Variants in NKAIN2 observed in about 807,000 individuals in gnomAD.
NKAIN2 encodes sodium/potassium-transporting ATPase subunit beta-1-interacting protein 2.
Under a neutral mutation model 32.6 loss-of-function variants are expected in NKAIN2, and 14 were observed. The observed-to-expected ratio is 0.43, with a 90% CI of 0.28 to 0.67. NKAIN2 has a LOEUF of 0.67. Ranked by LOEUF, NKAIN2 falls within the 30% of genes least tolerant of loss-of-function variation. The pLI is 0.17. For missense variants in NKAIN2, 198 were observed against 258.3 expected, an observed-to-expected ratio of 0.77 and a Z score of 1.60; for synonymous variants, 80 against 87.2, an observed-to-expected ratio of 0.92 and a Z score of 0.46.
At position 123,869,680 on chromosome 6, in the gene NKAIN2, A is replaced by G. The variant is rs145871065; in HGVS notation, c.54+65426A>G. Among the ~76,000 whole-genome samples, 254 of 152,316 alleles carry G rather than the reference A, an allele frequency of 1.7e-3. 2 individuals are homozygous for G. Among genetic ancestry groups the G allele is most frequent in the Non-Finnish European group, 1.7e-3 (118 of 68,026 alleles). ...TCTGCTGGTAGGGCTTTGGGAGAAC[A>G]TATGTGTTTCTATTTAGTTTACTTA... On this transcript the variant is annotated intron_variant, in intron 1 of 6. Transcript: ENST00000368417.
intron 4 of NKAIN2, among the ~76,000 whole-genome samples, chr6:124,683,999 C>T (rs1773746044): frequency 6.6e-6 from 1 of 152,158 alleles, no homozygotes; most frequent in African/African-American, 2.4e-5. Context: ...AATAACAACA[C>T]ATAAACCAGT....
chr6:123,969,583 G>T (rs1202070612), intron 1 of NKAIN2, among the ~76,000 whole-genome samples: 2 of 152,158 alleles, frequency 1.3e-5, no homozygotes, highest in Non-Finnish European at 2.9e-5. Flanking sequence ...CAAGATGCCT[G>T]CCAGAGCTTC....
At chr6:124,247,968 T>C (rs1793499063) in intron 1 of NKAIN2, among the ~76,000 whole-genome samples, 1 of 152,076 alleles carries the variant, frequency 6.6e-6, no homozygotes, top group Non-Finnish European at 1.5e-5. Flanking sequence ...AAATAATCAA[T>C]GCATAGAACA....
At chr6:124,428,441 G>T (rs985465955) in intron 3 of NKAIN2, among the ~76,000 whole-genome samples, 1 of 152,112 alleles carries the variant, frequency 6.6e-6, no homozygotes, top group South Asian at 2.1e-4. Flanking sequence ...TTATTTAGTG[G>T]AACTGAAAGC....
intron 3 of NKAIN2, chr6:124,390,898 G>A (rs543856314): frequency 6.6e-6 from 1 of 151,876 alleles, no homozygotes; most frequent in African/African-American, 2.4e-5. Context: ...ATAGCACAAG[G>A]CCATTGTAAG....
intron 2 of NKAIN2, among the ~76,000 whole-genome samples, chr6:124,320,214 A>G (rs570180746): frequency 9.2e-5 from 14 of 152,118 alleles, no homozygotes; most frequent in South Asian, 2.1e-4. Flanking sequence ...TTGCTCTCAT[A>G]TTTAGTTGTC....
intron 5 of NKAIN2, among the ~76,000 whole-genome samples, chr6:124,800,508 T>G (rs1047934355): frequency 2.0e-5 from 3 of 152,180 alleles, no homozygotes; most frequent in African/African-American, 7.2e-5. Flanking sequence ...GAAACAAACT[T>G]AAAGCTCACA....
rs141752197 is a variant in NKAIN2 at position 124,342,486 on chromosome 6, C to T, written c.193-12781C>T. 5.5e-4 allele frequency among the ~76,000 whole-genome samples: 83 copies of T among 150,150 alleles called. No homozygotes were observed. In the East Asian group the frequency reaches 0.016, roughly 29 times the overall value. ...TTAAAAATTCTAAACCTTTTTCTTG[C>T]TTAAACAAGTCTTTTTTTGTTGTTT... On this transcript the variant is annotated intron_variant, in intron 2 of 6. Transcript: ENST00000368417.
At chr6:124,488,543 T>C (rs1777741639) in intron 3 of NKAIN2, among the ~76,000 whole-genome samples, 1 of 152,062 alleles carries the variant, frequency 6.6e-6, no homozygotes, top group Non-Finnish European at 1.5e-5. Flanking sequence ...CCTTATCATT[T>C]AACTTATCAT....
At chr6:124,184,979 A>G (rs973655324) in intron 1 of NKAIN2, among the ~76,000 whole-genome samples, 3 of 152,204 alleles carry the variant, frequency 2.0e-5, no homozygotes, top group African/African-American at 7.2e-5. Context: ...ACAAATGGAA[A>G]CATTTTCTTC....
chr6:124,707,084 T>C (rs1407449461), intron 4 of NKAIN2, among the ~76,000 whole-genome samples: 7 of 148,604 alleles, frequency 4.7e-5, no homozygotes, highest in Non-Finnish European at 7.4e-5. Flanking sequence ...AGTGAGAATA[T>C]GCGGTGTTTG....
intron 1 of NKAIN2, among the ~76,000 whole-genome samples, chr6:124,229,155 C>G (rs1019461693): frequency 2.0e-5 from 3 of 152,074 alleles, no homozygotes; most frequent in Non-Finnish European, 4.4e-5. Context: ...TATTTAAAGA[C>G]AGAAATTCTT....
chr6:124,473,772 T>A (rs1583303936), intron 3 of NKAIN2, among the ~76,000 whole-genome samples: 3 of 152,152 alleles, frequency 2.0e-5, no homozygotes, highest in Non-Finnish European at 4.4e-5. Flanking sequence ...TTCACCATCA[T>A]CTCACATACA....
At chr6:124,118,576 A>C (rs1022926513) in intron 1 of NKAIN2, among the ~76,000 whole-genome samples, 4 of 152,154 alleles carry the variant, frequency 2.6e-5, no homozygotes, top group Non-Finnish European at 4.4e-5. Flanking sequence ...CTCTCCAGTG[A>C]GTACAATAAA....
At chr6:124,302,990 C>A (rs1038268716) in intron 2 of NKAIN2, among the ~76,000 whole-genome samples, 15 of 152,124 alleles carry the variant, frequency 9.9e-5, no homozygotes, top group Non-Finnish European at 1.9e-4. Flanking sequence ...GGAATTTGGA[C>A]CTTTTATGTA....
intron 1 of NKAIN2, among the ~76,000 whole-genome samples, chr6:124,216,286 G>T: frequency 6.6e-6 from 1 of 152,122 alleles, no homozygotes; most frequent in Non-Finnish European, 1.5e-5. Context: ...AGTTGCCTAA[G>T]AGGAATTATA....
At chr6:123,968,374 A>G (rs1317357277) in intron 1 of NKAIN2, among the ~76,000 whole-genome samples, 6 of 152,220 alleles carry the variant, frequency 3.9e-5, no homozygotes, top group Non-Finnish European at 8.8e-5. Flanking sequence ...GCTGAAGAGG[A>G]CAATTTAAAA....
At chr6:124,814,817 C>T (rs981925864) in intron 5 of NKAIN2, among the ~76,000 whole-genome samples, 2 of 152,170 alleles carry the variant, frequency 1.3e-5, no homozygotes, top group Non-Finnish European at 2.9e-5. Flanking sequence ...CCTTGGTTCA[C>T]CCGAAGATCT....
intron 3 of NKAIN2, among the ~76,000 whole-genome samples, chr6:124,626,020 G>A (rs969604796): frequency 6.6e-6 from 1 of 150,986 alleles, no homozygotes; most frequent in Non-Finnish European, 1.5e-5. Flanking sequence ...GTATACATGT[G>A]CCATGTTGGT....
Sources: gnomAD v4.1 joint callset for allele counts (sites outside exome capture counted in the v4.1 genomes callset) on GRCh38, gnomAD v4.1.1 for gene constraint, MANE v1.5 for transcripts, NCBI Gene and HGNC (gene_info 2026-07-23, HGNC 2026-07-21) for gene names.